Variants in PDPR observed in about 807,000 individuals in gnomAD.
PDPR encodes the protein pyruvate dehydrogenase phosphatase regulatory subunit, also known as pyruvate dehydrogenase phosphatase regulatory subunit, mitochondrial.
Under a neutral mutation model 102.2 loss-of-function variants are expected in PDPR, and 50 were observed. The ratio of observed to expected loss-of-function variants is 0.49; its 90% CI spans 0.39 to 0.62. PDPR has a LOEUF of 0.62. Among genes scored for constraint, PDPR ranks in the 20% least tolerant of loss-of-function variants. PDPR has a pLI of 0.00. For synonymous variants in PDPR, 259 were observed against 406.0 expected (o/e 0.64, Z 4.35); for missense variants, 625 against 1,098.2 (o/e 0.57, Z 6.09).
chr16:70,146,893 T>C (rs1966281539), intron 16 of PDPR, among the ~76,000 whole-genome samples: 1 of 88,990 alleles, frequency 1.1e-5, no homozygotes, highest in African/African-American at 4.0e-5. Flanking sequence ...GTGCTGCCCT[T>C]CATTAGCAAA....
chr16:70,157,645 T>C lies in PDPR; in HGVS notation c.*766T>C, dbSNP rs1015806421. On this transcript the variant is annotated 3_prime_UTR_variant, in exon 19 of 19. Transcript: ENST00000288050. ...TGAGTAAACAAGTAAGCCACAGTGT[T>C]TGAAAGGGAAAAACCATATTGCCTT... The C allele has an allele frequency of 2.6e-4, 45 of 170,160 alleles. No homozygotes were observed. Among genetic ancestry groups the C allele is most frequent in the Non-Finnish European group, 3.6e-4 (28 of 78,640 alleles). The allele number at this position is 170,160 out of a possible 1,614,324, so 10.5% of individuals were successfully genotyped here.
At chr16:70,126,680 ATTTATT>A (rs1399016657) in intron 3 of PDPR, among the ~76,000 whole-genome samples, 2 of 151,906 alleles carry the variant, frequency 1.3e-5, no homozygotes, top group East Asian at 3.9e-4. Flanking sequence ...TTATTTGTTT[ATTTATT>A]TTTATTTTTA....
At chr16:70,145,716 C>T (rs1966185949) in intron 15 of PDPR, 1 of 461,950 alleles carries the variant, frequency 2.2e-6, no homozygotes, top group Admixed American at 2.5e-5. Flanking sequence ...ATGTCACAAA[C>T]ACTGGTGTCC....
chr16:70,113,783 G>A (rs1313877652), upstream of PDPR: 2 of 146,898 alleles, frequency 1.4e-5, no homozygotes, highest in Non-Finnish European at 3.0e-5. Context: ...AGGTCCGTTA[G>A]TCCGTCCTCC....
intron 18 of PDPR, among the ~76,000 whole-genome samples, chr16:70,154,086 G>GCCT (rs1966869275): frequency 6.6e-6 from 1 of 152,284 alleles, no homozygotes; most frequent in Non-Finnish European, 1.5e-5. Flanking sequence ...AACCCAGGAG[G>GCCT]CAGAGGTTGC....
At chr16:70,156,430 G>T (rs750585621) in intron 18 of PDPR, 45 bp from the exon 19 acceptor site, 25 of 1,601,596 alleles carry the variant, frequency 1.6e-5, no homozygotes, top group Middle Eastern at 3.3e-4. Flanking sequence ...CTGTGCCGAG[G>T]GTCTGAGTGT....
At chr16:70,134,321 A>T (rs2152086999) in intron 9 of PDPR, among the ~76,000 whole-genome samples, 1 of 151,950 alleles carries the variant, frequency 6.6e-6, no homozygotes, top group African/African-American at 2.4e-5. Context: ...CGCCTCCTGG[A>T]TTCAAGCAAT....
chr16:70,137,637 T>C (rs543451714), intron 10 of PDPR, among the ~76,000 whole-genome samples: 1 of 152,404 alleles, frequency 6.6e-6, no homozygotes, highest in African/African-American at 2.4e-5. Flanking sequence ...ACTGAATACT[T>C]ACAAATGGGT....
intron 2 of PDPR, among the ~76,000 whole-genome samples, chr16:70,117,667 C>G (rs563110876): frequency 3.0e-4 from 45 of 152,230 alleles, no homozygotes; most frequent in Admixed American, 2.6e-3. Flanking sequence ...ATATGTTTGA[C>G]GAATTACAGG....
intron 17 of PDPR, among the ~76,000 whole-genome samples, chr16:70,148,982 C>T (rs1966479374): frequency 6.6e-6 from 1 of 151,738 alleles, no homozygotes; most frequent in Admixed American, 6.6e-5. Flanking sequence ...GCAGCCTCGA[C>T]CTCTTGGGCT....
chr16:70,162,719 C>T (rs2152132300), downstream of PDPR, among the ~76,000 whole-genome samples: 1 of 152,376 alleles, frequency 6.6e-6, no homozygotes, highest in South Asian at 2.1e-4. Context: ...GCTGGAGTGG[C>T]TGGGGGTAAA....
intron 11 of PDPR, among the ~76,000 whole-genome samples, 192 bp from the exon 12 acceptor site, chr16:70,142,042 G>GT (rs1283011733): frequency 6.6e-6 from 1 of 152,022 alleles, no homozygotes; most frequent in East Asian, 1.9e-4. Flanking sequence ...AGAGGTTGCA[G>GT]TAAGCCGAGA....
rs1458884538 is a variant in PDPR, at chr16:70,160,739, C to T, written c.*3860C>T. ...CCAGCTTCCACAGTATATTACCTGC[C>T]GTTGCATGCATTTGAAAGTTAGCCT... On this transcript the variant is annotated 3_prime_UTR_variant, in exon 19 of 19. Transcript: ENST00000288050. 2 of 152,478 alleles carry T rather than the reference C, an allele frequency of 1.3e-5. No individual in the cohort carries two copies. Among genetic ancestry groups the T allele is most frequent in the Admixed American group, 1.3e-4 (2 of 15,290 alleles). The allele number at this position is 152,478 out of a possible 1,614,324, so 9.4% of individuals were successfully genotyped here. A position where few individuals can be genotyped will look rare whatever the true frequency, so the allele number is the denominator to read the frequency against.
At position 70,143,838 on chromosome 16, in the gene PDPR, G is replaced by GA. The variant is rs1410518631; in HGVS notation, c.1754+188dup. On this transcript the variant is annotated intron_variant, in intron 14 of 18. Coordinates refer to ENST00000288050, the MANE Select transcript of PDPR (RefSeq NM_017990.5). ...ACAAAAGAAATCACCAGGAGGAAAA[G>GA]AAAAAAAAGCCCACCAGATTATGTA... is the stretch of plus-strand genomic sequence containing the variant. Among the ~76,000 whole-genome samples, 8 of 149,662 alleles carry GA rather than the reference G, an allele frequency of 5.3e-5. No homozygotes were observed. In the South Asian group the frequency reaches 1.1e-3, roughly 20 times the overall value.
At chr16:70,136,948 A>T (rs1007832322) in intron 10 of PDPR, among the ~76,000 whole-genome samples, 3 of 152,196 alleles carry the variant, frequency 2.0e-5, no homozygotes, top group Non-Finnish European at 2.9e-5. Context: ...TCACCATGTT[A>T]GCCAGGCTGG....
intron 13 of PDPR, 65 bp from the exon 14 acceptor site, chr16:70,143,445 G>C: frequency 6.4e-7 from 1 of 1,574,624 alleles, no homozygotes; most frequent in Non-Finnish European, 8.7e-7. Flanking sequence ...ATTGCTGGTG[G>C]GGCCATGTGG....
Position 70,159,494 on chromosome 16 carries a change from A to G in PDPR, c.*2615A>G, listed in dbSNP as rs1967573585. On this transcript the variant is annotated 3_prime_UTR_variant, in exon 19 of 19. Transcript: ENST00000288050. The stretch of plus-strand genomic sequence containing the variant: ...CCCAAACACAGATTTCTCTTCTAGC[A>G]CTTTAGAGTTGATCCTTGAAGTCTC... 1 of 152,784 alleles carries G rather than the reference A, an allele frequency of 6.5e-6. No homozygotes were observed. The highest frequency in any genetic ancestry group is 6.5e-5 in the Admixed American group (1 of 15,286). The allele number at this position is 152,784 out of a possible 1,614,324, so 9.5% of individuals were successfully genotyped here. A position where few individuals can be genotyped will look rare whatever the true frequency, so the allele number is the denominator to read the frequency against.
At position 70,158,890 on chromosome 16, in the gene PDPR, C is replaced by T. The variant is rs1215229752; in HGVS notation, c.*2011C>T. ...AGCATTTGCACCCCTCCAAAGCCAT[C>T]TTTGTAAAGGAAAACGTATTTGTAA... On this transcript the variant is annotated 3_prime_UTR_variant, in exon 19 of 19. Transcript: ENST00000288050. 1 of 152,414 alleles carries T rather than the reference C, an allele frequency of 6.6e-6. No homozygotes were observed. Among genetic ancestry groups the T allele is most frequent in the Non-Finnish European group, 1.5e-5 (1 of 68,122 alleles). 9.4% of individuals were successfully genotyped at this position (152,414 alleles called of 1,614,324 possible). A position where few individuals can be genotyped will look rare whatever the true frequency, so the allele number is the denominator to read the frequency against.
chr16:70,118,302 T>G (rs1328690105), intron 2 of PDPR, among the ~76,000 whole-genome samples: 3 of 152,022 alleles, frequency 2.0e-5, no homozygotes, highest in East Asian at 1.9e-4. Flanking sequence ...ATAGGAAGGG[T>G]TTCAGGGAAT....
Sources: allele counts gnomAD v4.1 joint callset (sites outside exome capture counted in the v4.1 genomes callset), GRCh38; gene constraint gnomAD v4.1.1; transcripts MANE v1.5; gene names NCBI Gene and HGNC (gene_info 2026-07-23, HGNC 2026-07-21).